BDKRB2: variants seen among roughly 807,000 people sequenced by gnomAD.
BDKRB2 encodes bradykinin receptor B2.
BDKRB2 carries 6 observed loss-of-function variants against 4.0 expected under a neutral mutation model. The ratio of observed to expected loss-of-function variants is 1.49; its 90% CI spans 0.81 to 2.93. The LOEUF (loss-of-function observed/expected upper bound fraction) is 2.93, where lower values mean the gene tolerates loss of function less well. Ranked by LOEUF, BDKRB2 falls within the 30% of genes most tolerant of loss-of-function variation. BDKRB2 has a pLI of 0.00. For synonymous variants in BDKRB2, 225 were observed against 215.3 expected (o/e 1.05, Z -0.40); for missense variants, 478 against 520.1 (o/e 0.92, Z 0.79).
chr14:96,228,719 G>A (rs114499228), intron 1 of BDKRB2, among the ~76,000 whole-genome samples: 1,646 of 152,294 alleles, frequency 0.011, 29 homozygotes, highest in African/African-American at 0.036. Context: ...ATTTAGGGCC[G>A]TGGGCCCAGG....
chr14:96,221,287 C>T (rs1595253255), intron 1 of BDKRB2, among the ~76,000 whole-genome samples: 1 of 152,252 alleles, frequency 6.6e-6, no homozygotes, highest in African/African-American at 2.4e-5. Flanking sequence ...AGACTAAGCA[C>T]TCATAAATTT....
chr14:96,239,958 G>C (rs1885227488), intron 2 of BDKRB2: 1 of 987,450 alleles, frequency 1.0e-6, no homozygotes, highest in Non-Finnish European at 1.2e-6. Flanking sequence ...TCCAGGTCTG[G>C]AATGATATCA....
At chr14:96,211,060 G>A (rs1273066840) in intron 1 of BDKRB2, 3 of 152,188 alleles carry the variant, frequency 2.0e-5, no homozygotes, top group Non-Finnish European at 4.4e-5. Flanking sequence ...AATTTAAATG[G>A]ACAGATTGTT....
chr14:96,212,276 A>G (rs1229591580), intron 1 of BDKRB2, among the ~76,000 whole-genome samples: 1 of 152,242 alleles, frequency 6.6e-6, no homozygotes, highest in Non-Finnish European at 1.5e-5. Context: ...AACTGAAATT[A>G]TAGATATTTG....
intron 1 of BDKRB2, among the ~76,000 whole-genome samples, chr14:96,227,122 C>T (rs1278663248): frequency 6.6e-6 from 1 of 152,192 alleles, no homozygotes; most frequent in Non-Finnish European, 1.5e-5. Context: ...GTTTTCCCTT[C>T]TGCAAAAGAC....
chr14:96,236,457 G>T (rs1239990031), intron 1 of BDKRB2, among the ~76,000 whole-genome samples: 1 of 152,150 alleles, frequency 6.6e-6, no homozygotes, highest in Non-Finnish European at 1.5e-5. Flanking sequence ...TGCAGGAGAT[G>T]GAAGCCATGA....
Position 96,240,561 on chromosome 14 carries a change from T to G in BDKRB2, c.233T>G (p.Val78Gly). The G allele has an allele frequency of 6.4e-7, 1 of 1,573,352 alleles. No individual in the cohort carries two copies. Among genetic ancestry groups the G allele is most frequent in the Middle Eastern group, 1.7e-4 (1 of 5,846 alleles). The change falls in exon 3 of 3, where the codon GTC (valine) becomes GGC (glycine). Residue 78 changes from valine (V) to glycine (G), a missense_variant. Transcript: ENST00000554311. ...CTGGCCACCCTAGAGAACATCTTTG[T>G]CCTCAGCGTCTTCTGCCTGCACAAG... Reference protein sequence around the residue: ...FVLATLENIFVLSVFCLHKSS... With the variant: ...FVLATLENIFGLSVFCLHKSS...
chr14:96,223,723 G>A (rs1890630976), intron 1 of BDKRB2, among the ~76,000 whole-genome samples: 1 of 152,056 alleles, frequency 6.6e-6, no homozygotes, highest in Admixed American at 6.5e-5. Context: ...AAGGTCACTT[G>A]TGGATTTATG....
chr14:96,239,537 G>A (rs1885211334), intron 2 of BDKRB2: 1 of 985,406 alleles, frequency 1.0e-6, no homozygotes. Context: ...CCAACAAACG[G>A]TGGTGTTGGA....
intron 1 of BDKRB2, among the ~76,000 whole-genome samples, chr14:96,225,680 C>G (rs1890679944): frequency 6.6e-6 from 1 of 152,186 alleles, no homozygotes; most frequent in African/African-American, 2.4e-5. Flanking sequence ...CCTGTCCCAG[C>G]TCAGTGCTCT....
intron 1 of BDKRB2, among the ~76,000 whole-genome samples, chr14:96,234,509 G>T (rs1473592731): frequency 1.3e-5 from 2 of 152,190 alleles, no homozygotes; most frequent in African/African-American, 2.4e-5. Context: ...AGGGGCCACA[G>T]AGGAGAAGCC....
Position 96,227,593 on chromosome 14 carries a change from A to G in BDKRB2, c.-39-9476A>G, listed in dbSNP as rs367624074. Among the ~76,000 whole-genome samples, 68 of 152,148 alleles carry G rather than the reference A, an allele frequency of 4.5e-4. No homozygotes were observed. In the South Asian group the frequency reaches 6.0e-3, roughly 13 times the overall value. On this transcript the variant is annotated intron_variant, in intron 1 of 2. Transcript: ENST00000554311. The stretch of plus-strand genomic sequence containing the variant: ...TGTGTGCACAAACACATGCATGCAC[A>G]CACAAACACATGCATGCACACACAA...
At chr14:96,238,858 G>A in intron 2 of BDKRB2, 1 of 986,730 alleles carries the variant, frequency 1.0e-6, no homozygotes, top group Non-Finnish European at 1.2e-6. Context: ...CTGGGCCACA[G>A]TTGTCAGGAG....
chr14:96,213,362 T>C (rs1890345395), intron 1 of BDKRB2, among the ~76,000 whole-genome samples: 1 of 152,152 alleles, frequency 6.6e-6, no homozygotes, highest in African/African-American at 2.4e-5. Flanking sequence ...TCTGAATCTG[T>C]AACCCCAAGT....
chr14:96,224,491 A>T (rs56274409), intron 1 of BDKRB2, among the ~76,000 whole-genome samples: 10,241 of 152,238 alleles, frequency 0.067, 462 homozygotes, highest in East Asian at 0.25. Context: ...GATATGTTGC[A>T]GGCACTTTGC....
In BDKRB2 at chr14:96,226,346, G is replaced by A. The variant is rs188380445; in HGVS notation, c.-39-10723G>A. Among the ~76,000 whole-genome samples the A allele has an allele frequency of 4.5e-4, 68 of 152,288 alleles. 1 individual carries two copies. The South Asian group carries it at 8.5e-3, about 19-fold the overall frequency. On this transcript the variant is annotated intron_variant, in intron 1 of 2. Coordinates refer to ENST00000554311, the MANE Select transcript of BDKRB2 (RefSeq NM_001379692.1). ...CTTCCACCTGCAATGGAGCACTGTA[G>A]GACGATTTTAAAAAGCAAAGTGGCA...
Position 96,244,055 on chromosome 14 carries a change from A to G in BDKRB2, c.*2551A>G. 2.5e-6 allele frequency: 1 copy of G among 397,078 alleles called. No homozygotes were observed. Among genetic ancestry groups the G allele is most frequent in the Non-Finnish European group, 4.4e-6 (1 of 225,642 alleles). The allele number at this position is 397,078 out of a possible 1,614,324, so 24.6% of individuals were successfully genotyped here. Reference sequence around the variant, plus strand: ...ATAAAGAACATCTGTCCTGTGAAAGACTCAATGAGCTGTTATGTTGTAAAC... The same window carrying G: ...ATAAAGAACATCTGTCCTGTGAAAGGCTCAATGAGCTGTTATGTTGTAAAC... On this transcript the variant is annotated 3_prime_UTR_variant, in exon 3 of 3. Transcript: ENST00000554311.
chr14:96,237,576 C>T, intron 2 of BDKRB2: 2 of 1,163,684 alleles, frequency 1.7e-6, no homozygotes, highest in East Asian at 5.7e-5. Flanking sequence ...ATCAGAACAC[C>T]CTAAAGAGAG....
intron 1 of BDKRB2, among the ~76,000 whole-genome samples, chr14:96,221,194 A>G (rs1019465575): frequency 1.3e-5 from 2 of 152,150 alleles, no homozygotes; most frequent in African/African-American, 4.8e-5. Context: ...GAATTATTTC[A>G]TGGAAAGTGC....
Sources: allele counts gnomAD v4.1 joint callset (sites outside exome capture counted in the v4.1 genomes callset), GRCh38; gene constraint gnomAD v4.1.1; transcripts MANE v1.5; gene names NCBI Gene and HGNC (gene_info 2026-07-23, HGNC 2026-07-21).